Variants in JAKMIP1 observed in about 807,000 individuals in gnomAD.
JAKMIP1 encodes the protein janus kinase and microtubule-interacting protein 1.
JAKMIP1 carries 33 observed loss-of-function variants against 113.0 expected under a neutral mutation model. The observed-to-expected ratio is 0.29, with a 90% CI of 0.22 to 0.39. The LOEUF is 0.39. JAKMIP1 is among the 10% of genes least tolerant of loss of function. The probability of loss-of-function intolerance (pLI) is 1.00; values close to 1 mark genes in which losing one functional copy is unlikely to be tolerated. For synonymous variants in JAKMIP1, 480 were observed against 459.9 expected (o/e 1.04, Z -0.56); for missense variants, 813 against 1,080.5 (o/e 0.75, Z 3.47).
chr4:6,061,346 C>T lies in JAKMIP1; in HGVS notation c.1561-839G>A, dbSNP rs1717257210. 6.6e-6 allele frequency among the ~76,000 whole-genome samples: 1 copy of T among 152,208 alleles called. No homozygotes were observed. On this transcript the variant is annotated intron_variant, in intron 10 of 20. Transcript: ENST00000409021. This position sits in a 1 kb window ranked among gnomAD's most constrained non-coding sequence, Gnocchi z 5.3. ...GCAGCTTCCCTCCCTGCTGACCTCA[C>T]TCCCCCTTACTCCTGGCTCCCCGCT...
At chr4:6,048,066 G>A (rs2108764524) in intron 16 of JAKMIP1, among the ~76,000 whole-genome samples, 1 of 152,280 alleles carries the variant, frequency 6.6e-6, no homozygotes, top group Admixed American at 6.5e-5. Flanking sequence ...CACAAGGAAG[G>A]AGAAGAAAAT....
chr4:6,114,765 A>G (rs892532180), intron 1 of JAKMIP1, among the ~76,000 whole-genome samples: 1 of 152,238 alleles, frequency 6.6e-6, no homozygotes, highest in African/African-American at 2.4e-5. Flanking sequence ...AGCTTGATAC[A>G]TAATTCATTC....
intron 3 of JAKMIP1, among the ~76,000 whole-genome samples, chr4:6,101,777 G>C (rs188607926): frequency 6.0e-5 from 9 of 150,316 alleles, no homozygotes; most frequent in Non-Finnish European, 1.0e-4. Context: ...ATGGTGGCAG[G>C]CATCTGTAAT....
chr4:6,042,027 C>T lies in JAKMIP1; in HGVS notation c.2097+132G>A, dbSNP rs1362015387. ...AATGGGTGACAATTACTTAGAACAA[C>T]CACTGGGGCAAAAGCAAAATTGAGA... On this transcript the variant is annotated intron_variant, in intron 17 of 20. Transcript: ENST00000409021. This position sits in a 1 kb window ranked among gnomAD's most constrained non-coding sequence, Gnocchi z 5.2. The T allele has an allele frequency of 1.0e-5, 7 of 693,390 alleles. No individual in the cohort carries two copies. In the East Asian group the frequency reaches 1.6e-4, roughly 16 times the overall value. 43.0% of individuals were successfully genotyped at this position (693,390 alleles called of 1,614,324 possible). A position where few individuals can be genotyped will look rare whatever the true frequency, so the allele number is the denominator to read the frequency against.
chr4:6,151,078 G>A (rs11936197), intron 1 of JAKMIP1, among the ~76,000 whole-genome samples: 24,577 of 152,046 alleles, frequency 0.16, 2,108 homozygotes, highest in African/African-American at 0.23. Flanking sequence ...CTGTCTCCAG[G>A]CTGTGGCCCA....
At chr4:6,102,203 AC>A (rs1208314922) in intron 3 of JAKMIP1, among the ~76,000 whole-genome samples, 1 of 152,160 alleles carries the variant, frequency 6.6e-6, no homozygotes, top group African/African-American at 2.4e-5. Flanking sequence ...ATATATTGAA[AC>A]AACTTATTTG....
Position 6,185,884 on chromosome 4 carries a change from T to C in JAKMIP1, c.-148+14369A>G, listed in dbSNP as rs1726604337. ...ACAGCCAAGTTTTCTATCTAAACTATTAAAACTACATTGAGAAAATATTTA... is the reference window on the plus strand; with the variant it reads ...ACAGCCAAGTTTTCTATCTAAACTACTAAAACTACATTGAGAAAATATTTA... On this transcript the variant is annotated intron_variant, in intron 1 of 20. Coordinates refer to ENST00000409021, the MANE Select transcript of JAKMIP1 (RefSeq NM_001099433.2). The surrounding 1 kb of genome is among the most constrained non-coding windows in gnomAD (Gnocchi z 5.3). Among the ~76,000 whole-genome samples, 1 of 152,224 alleles carries C rather than the reference T, an allele frequency of 6.6e-6. No individual in the cohort carries two copies. The highest frequency in any genetic ancestry group is 1.5e-5 in the Non-Finnish European group (1 of 68,042).
intron 1 of JAKMIP1, among the ~76,000 whole-genome samples, chr4:6,152,351 C>G (rs749410642): frequency 8.5e-5 from 13 of 152,154 alleles, no homozygotes; most frequent in African/African-American, 1.4e-4. Flanking sequence ...GTGGAGGCTG[C>G]ATTACCTAAG....
At chr4:6,165,724 T>C (rs1723543701) in intron 1 of JAKMIP1, among the ~76,000 whole-genome samples, 2 of 152,224 alleles carry the variant, frequency 1.3e-5, no homozygotes, top group African/African-American at 4.8e-5. Flanking sequence ...AAAAAATTCA[T>C]GTGACTCGCT....
Position 6,179,945 on chromosome 4 carries a change from G to T in JAKMIP1, c.-148+20308C>A, listed in dbSNP as rs116994412. 6.2e-4 allele frequency among the ~76,000 whole-genome samples: 95 copies of T among 152,322 alleles called. 1 individual carries two copies. In the East Asian group the frequency reaches 0.011, roughly 18 times the overall value. On this transcript the variant is annotated intron_variant, in intron 1 of 20. Coordinates refer to ENST00000409021, the MANE Select transcript of JAKMIP1 (RefSeq NM_001099433.2). The surrounding 1 kb of genome is among the most constrained non-coding windows in gnomAD (Gnocchi z 4.5). Reference sequence around the variant, plus strand: ...CTGAATCTAAGACCAGTTCCCAGCTGCCCAAAGAACTGTGTCTGTTTTGTT... The same window carrying T: ...CTGAATCTAAGACCAGTTCCCAGCTTCCCAAAGAACTGTGTCTGTTTTGTT...
chr4:6,123,094 C>A (rs1238066026), intron 1 of JAKMIP1, among the ~76,000 whole-genome samples: 1 of 152,218 alleles, frequency 6.6e-6, no homozygotes, highest in East Asian at 1.9e-4. Flanking sequence ...ATGCAAAAGG[C>A]TCTGTTAGTT....
At chr4:6,189,445 T>G (rs557354266) in intron 1 of JAKMIP1, among the ~76,000 whole-genome samples, 51 of 152,182 alleles carry the variant, frequency 3.4e-4, no homozygotes, top group Non-Finnish European at 7.1e-4. Flanking sequence ...GAATTTTTTT[T>G]CAGCGCAGAG....
chr4:6,127,656 T>C (rs1717892255), intron 1 of JAKMIP1, among the ~76,000 whole-genome samples: 1 of 152,182 alleles, frequency 6.6e-6, no homozygotes, highest in Admixed American at 6.5e-5. Context: ...AGGGCACACC[T>C]GGGAAGGCCC....
At chr4:6,170,432 G>GCACCCTTACCACCACCACCA (rs1724365220) in intron 1 of JAKMIP1, among the ~76,000 whole-genome samples, 2 of 1,338 alleles carry the variant, frequency 1.5e-3, no homozygotes, top group African/African-American at 3.7e-3. Context: ...CATCACCATA[G>GCACCCTTACCACCACCACCA]TCACCACCAC....
Position 6,094,496 on chromosome 4 carries a change from G to A in JAKMIP1, c.625-8867C>T, listed in dbSNP as rs1009460254. 6.6e-6 allele frequency among the ~76,000 whole-genome samples: 1 copy of A among 152,118 alleles called. No individual in the cohort carries two copies. The highest frequency in any genetic ancestry group is 2.4e-5 in the African/African-American group (1 of 41,434). Reference sequence around the variant, plus strand: ...GAGTAAACAAACCTACCAACCTCCGGGGCCCCTGGGGTCTCAGGAACTGCG... The same window carrying A: ...GAGTAAACAAACCTACCAACCTCCGAGGCCCCTGGGGTCTCAGGAACTGCG... On this transcript the variant is annotated intron_variant, in intron 3 of 20. Transcript: ENST00000409021. This position sits in a 1 kb window ranked among gnomAD's most constrained non-coding sequence, Gnocchi z 4.2.
intron 1 of JAKMIP1, among the ~76,000 whole-genome samples, chr4:6,132,328 A>G (rs978601949): frequency 2.5e-4 from 38 of 152,230 alleles, no homozygotes; most frequent in Admixed American, 2.4e-3. Context: ...AGAAGGACAG[A>G]GCATGGAAAT....
chr4:6,106,570 C>G lies in JAKMIP1; in HGVS notation c.130-603G>C, dbSNP rs1041692346. Reference sequence around the variant, plus strand: ...TCTCTCTCTCTCTTCCTCTCTCTCTCCTCTGTTTTATCATGAGGCAGCCAA... The same window carrying G: ...TCTCTCTCTCTCTTCCTCTCTCTCTGCTCTGTTTTATCATGAGGCAGCCAA... On this transcript the variant is annotated intron_variant, in intron 2 of 20. Transcript: ENST00000409021. The surrounding 1 kb of genome is among the most constrained non-coding windows in gnomAD (Gnocchi z 5.9). Among the ~76,000 whole-genome samples the G allele has an allele frequency of 6.6e-6, 1 of 152,058 alleles. No individual in the cohort carries two copies. The highest frequency in any genetic ancestry group is 6.6e-5 in the Admixed American group (1 of 15,260).
At chr4:6,038,901 C>T (rs1713930327) in intron 18 of JAKMIP1, among the ~76,000 whole-genome samples, 2 of 152,236 alleles carry the variant, frequency 1.3e-5, no homozygotes, top group Non-Finnish European at 2.9e-5. Flanking sequence ...GGGCCTGCCC[C>T]GCCTCACTCA....
At chr4:6,112,236 A>G (rs1350739046) in intron 2 of JAKMIP1, among the ~76,000 whole-genome samples, 1 of 152,236 alleles carries the variant, frequency 6.6e-6, no homozygotes, top group Non-Finnish European at 1.5e-5. Context: ...CAATCACAGC[A>G]GCTGAGCATC....
Sources: allele counts gnomAD v4.1 joint callset (sites outside exome capture counted in the v4.1 genomes callset), GRCh38; gene constraint gnomAD v4.1.1; non-coding constraint Gnocchi (gnomAD v3.1); transcripts MANE v1.5; gene names NCBI Gene and HGNC (gene_info 2026-07-23, HGNC 2026-07-21).